The following ZNF112 variants were observed in gnomAD, a reference collection of about 807,000 sequenced individuals.
ZNF112 encodes the protein zinc finger protein 112 (Y14).
Under a neutral mutation model 77.7 loss-of-function variants are expected in ZNF112, and 37 were observed. That is an observed-to-expected ratio of 0.48 (90% CI 0.37 to 0.63). The LOEUF is 0.63. ZNF112 is among the 20% of genes least tolerant of loss of function. ZNF112 has a pLI of 0.00. For missense variants in ZNF112, 950 were observed against 1,077.4 expected, an observed-to-expected ratio of 0.88 and a Z score of 1.66; for synonymous variants, 333 against 363.6, an observed-to-expected ratio of 0.92 and a Z score of 0.96.
chr19:44,358,284 A>ATT (rs113581852), upstream of ZNF112, among the ~76,000 whole-genome samples: 7,337 of 151,896 alleles, frequency 0.048, 491 homozygotes, highest in African/African-American at 0.15. Context: ...ATAATAGGGG[A>ATT]TTTTTTTTTA....
intron 1 of ZNF112, among the ~76,000 whole-genome samples, chr19:44,353,661 C>T (rs1970733009): frequency 6.6e-6 from 1 of 151,942 alleles, no homozygotes; most frequent in African/African-American, 2.4e-5. Context: ...TGCTGAACAC[C>T]ATTAGCCATT....
At chr19:44,361,614 T>G (rs1447734212), upstream of ZNF112, among the ~76,000 whole-genome samples, 6 of 152,140 alleles carry the variant, frequency 3.9e-5, no homozygotes, top group Non-Finnish European at 8.8e-5. Context: ...GTCAGTAAAG[T>G]GATCAGTGGT....
chr19:44,345,760 C>T (rs796642863), intron 1 of ZNF112, among the ~76,000 whole-genome samples: 12 of 152,302 alleles, frequency 7.9e-5, no homozygotes, highest in African/African-American at 2.9e-4. Flanking sequence ...CAAATCTTCT[C>T]TCCCCTTTGA....
At chr19:44,343,716 C>T (rs1261503318) in intron 1 of ZNF112, among the ~76,000 whole-genome samples, 1 of 152,222 alleles carries the variant, frequency 6.6e-6, no homozygotes, top group Non-Finnish European at 1.5e-5. Flanking sequence ...GTTCTGTCAT[C>T]TGCAAAATCC....
chr19:44,335,763 T>C (rs1970354383), intron 3 of ZNF112, among the ~76,000 whole-genome samples: 1 of 152,238 alleles, frequency 6.6e-6, no homozygotes, highest in Non-Finnish European at 1.5e-5. Flanking sequence ...TTAACCAAGA[T>C]GGAAACAAAC....
Position 44,328,662 on chromosome 19 carries a change from C to A in ZNF112, c.1495G>T (p.Gly499Cys). ...TTAAGTTTTGAGCTCCAGTTGAAGCCATTCCCATGCTCCTTACGTGGTTTC... is the reference window on the plus strand; with the variant it reads ...TTAAGTTTTGAGCTCCAGTTGAAGCAATTCCCATGCTCCTTACGTGGTTTC... The part of the protein sequence containing the change: ...GEKPRKEHGN[G>C]FNWSSKLKDH... Residue 499 changes from glycine to cysteine, a missense_variant, in exon 4 of 4, where the codon GGC becomes TGC. By Grantham distance (159) the Gly-to-Cys change is radical. This residue lies in a region of ZNF112 where 560 missense variants were observed against 557.3 expected (regional missense o/e 1.00). Coordinates refer to ENST00000354340, the MANE Select transcript of ZNF112 (RefSeq NM_013380.4). 6.2e-7 allele frequency: 1 copy of A among 1,614,154 alleles called. No homozygotes were observed. Among genetic ancestry groups the A allele is most frequent in the Non-Finnish European group, 8.5e-7 (1 of 1,180,016 alleles).
intron 3 of ZNF112, among the ~76,000 whole-genome samples, chr19:44,335,364 TA>T (rs1970346627): frequency 6.6e-6 from 1 of 152,200 alleles, no homozygotes; most frequent in Non-Finnish European, 1.5e-5. Flanking sequence ...ACAAGAGTTA[TA>T]ATCTTAGACT....
intron 3 of ZNF112, among the ~76,000 whole-genome samples, chr19:44,332,382 T>C (rs1004586527): frequency 6.6e-6 from 1 of 152,212 alleles, no homozygotes; most frequent in Non-Finnish European, 1.5e-5. Context: ...ATCTTGGTAC[T>C]TTAAAAGCAC....
In ZNF112 at chr19:44,328,391, T is replaced by C. The variant is rs1970177937; in HGVS notation, c.1766A>G (p.Tyr589Cys). ...ECGKGFSRNS[Y>C]LQGHQRVHTG... ...GTGAACTCTCTGATGGCCTTGAAGG[T>C]ATGAATTTCGACTGAACCCCTTCCC... Residue 589 changes from tyrosine (Y) to cysteine (C), a missense_variant, in exon 4 of 4, where the codon TAC becomes TGC. Tyr to Cys is a radical substitution (Grantham distance 194). This residue lies in a region of ZNF112 where 373 missense variants were observed against 482.8 expected (regional missense o/e 0.77). Coordinates refer to ENST00000354340, the MANE Select transcript of ZNF112 (RefSeq NM_013380.4). The C allele has an allele frequency of 1.2e-6, 2 of 1,613,988 alleles. No individual in the cohort carries two copies. The highest frequency in any genetic ancestry group is 1.7e-6 in the Non-Finnish European group (2 of 1,179,980).
Position 44,328,359 on chromosome 19 carries a change from C to G in ZNF112, c.1798G>C (p.Glu600Gln), listed in dbSNP as rs759621094. 6 of 1,613,926 alleles carry G rather than the reference C, an allele frequency of 3.7e-6. No individual in the cohort carries two copies. The East Asian group carries it at 1.3e-4, about 36-fold the overall frequency. ...CACTCCTCACACTTGTATGGTTTTT[C>G]TCCAGTGTGAACTCTCTGATGGCCT... ...LQGHQRVHTG[E>Q]KPYKCEECGK... The change falls in exon 4 of 4, where the codon GAA (glutamate) becomes CAA (glutamine). Residue 600 changes from glutamate (E) to glutamine (Q), a missense_variant. By Grantham distance (29) the Glu-to-Gln change is conservative. Coordinates refer to ENST00000354340, the MANE Select transcript of ZNF112 (RefSeq NM_013380.4).
intron 1 of ZNF112, among the ~76,000 whole-genome samples, chr19:44,366,591 A>G (rs1970906694): frequency 6.6e-6 from 1 of 152,068 alleles, no homozygotes; most frequent in Admixed American, 6.5e-5. Context: ...TCCCTCCTGC[A>G]CGAATCACAG....
At chr19:44,343,325 T>C (rs1970526148) in intron 1 of ZNF112, 1 of 1,549,790 alleles carries the variant, frequency 6.5e-7, no homozygotes, top group Non-Finnish European at 8.8e-7. Context: ...AACAGGGTAA[T>C]ACGAAAGAAG....
At chr19:44,360,190 A>G (rs1970841703), upstream of ZNF112, among the ~76,000 whole-genome samples, 2 of 151,628 alleles carry the variant, frequency 1.3e-5, no homozygotes, top group South Asian at 4.2e-4. Flanking sequence ...TGGGAGATGG[A>G]GATTGCAGTG....
intron 3 of ZNF112, among the ~76,000 whole-genome samples, chr19:44,336,124 T>C (rs1970360873): frequency 3.3e-5 from 5 of 152,246 alleles, no homozygotes; most frequent in Admixed American, 3.3e-4. Flanking sequence ...TTGGCTATTC[T>C]TATCTTTTAG....
At chr19:44,352,238 T>C (rs144129617) in intron 1 of ZNF112, among the ~76,000 whole-genome samples, 2 of 152,198 alleles carry the variant, frequency 1.3e-5, no homozygotes, top group South Asian at 4.1e-4. Flanking sequence ...TATAAGTAGA[T>C]AAGTTAAAAA....
In ZNF112 at chr19:44,327,362, A is replaced by G. The variant is rs934743330; in HGVS notation, c.*71T>C. On this transcript the variant is annotated 3_prime_UTR_variant, in exon 4 of 4. Coordinates refer to ENST00000354340, the MANE Select transcript of ZNF112 (RefSeq NM_013380.4). Reference sequence around the variant, plus strand: ...AAGTTGGGCAGCAACATTACATTTTAATTTTTAAAAATTCTTTTTCTACTG... The same window carrying G: ...AAGTTGGGCAGCAACATTACATTTTGATTTTTAAAAATTCTTTTTCTACTG... 1.9e-5 allele frequency: 25 copies of G among 1,293,734 alleles called. No individual in the cohort carries two copies. The highest frequency in any genetic ancestry group is 5.5e-5 in the Admixed American group (2 of 36,198). The allele number at this position is 1,293,734 out of a possible 1,614,324, so 80.1% of individuals were successfully genotyped here. A position where few individuals can be genotyped will look rare whatever the true frequency, so the allele number is the denominator to read the frequency against.
intron 1 of ZNF112, among the ~76,000 whole-genome samples, chr19:44,346,234 T>G (rs940166559): frequency 6.6e-6 from 1 of 152,240 alleles, no homozygotes; most frequent in Non-Finnish European, 1.5e-5. Flanking sequence ...TACCACTTAC[T>G]GGCAGCATAA....
Position 44,329,874 on chromosome 19 carries a change from T to TG in ZNF112, c.282dup (p.Lys95GlnfsTer38). The TG allele has an allele frequency of 6.2e-7, 1 of 1,613,954 alleles. No individual in the cohort carries two copies. The highest frequency in any genetic ancestry group is 8.5e-7 in the Non-Finnish European group (1 of 1,179,970). ...CAGGTCTGACGGGAGGAAAGCTCTT[T>TG]GGGGGAAAAGTAGCTTACTGTTACT... On this transcript the variant is annotated frameshift_variant, in exon 4 of 4. Coordinates refer to ENST00000354340, the MANE Select transcript of ZNF112 (RefSeq NM_013380.4). LOFTEE classifies it high-confidence loss of function.
rs775716809 is a variant in ZNF112, at chr19:44,329,821, C to T, written c.336G>A (p.Arg112=). The change falls in exon 4 of 4, where the codon AGG becomes AGA. Residue 112 remains arginine (R), a synonymous_variant. Coordinates refer to ENST00000354340, the MANE Select transcript of ZNF112 (RefSeq NM_013380.4). ...GAAAAACTTTCAGGAAATCTTGACA[C>T]CTGATTAACCCACCTGCACTTTGTT... ...TWQQSAGGLI[R]CQDFLKVFQG... The T allele has an allele frequency of 8.1e-6, 13 of 1,613,938 alleles. No individual in the cohort carries two copies. Among genetic ancestry groups the T allele is most frequent in the Middle Eastern group, 1.7e-4 (1 of 6,058 alleles).
Sources: allele counts gnomAD v4.1 joint callset (sites outside exome capture counted in the v4.1 genomes callset), GRCh38; gene constraint gnomAD v4.1.1; regional missense constraint gnomAD v4.1.1; transcripts MANE v1.5; gene names NCBI Gene and HGNC (gene_info 2026-07-23, HGNC 2026-07-21).